Variants in PGGT1B observed in about 807,000 individuals in gnomAD.
The protein encoded by PGGT1B is geranylgeranyl transferase type-1 subunit beta.
A neutral mutation model predicts 46.1 loss-of-function variants in PGGT1B; 30 were observed. The observed-to-expected ratio is 0.65, with a 90% CI of 0.49 to 0.88. The LOEUF is 0.88. Among genes scored for constraint, PGGT1B ranks in the 40% least tolerant of loss-of-function variants. PGGT1B has a pLI of 0.00. For synonymous variants in PGGT1B, 170 were observed against 160.0 expected, an observed-to-expected ratio of 1.06 and a Z score of -0.47; for missense variants, 376 against 455.9, an observed-to-expected ratio of 0.82 and a Z score of 1.60.
intron 8 of PGGT1B, among the ~76,000 whole-genome samples, chr5:115,216,603 C>T (rs998969271): frequency 2.6e-5 from 4 of 152,104 alleles, no homozygotes; most frequent in Admixed American, 2.6e-4. Context: ...ATTATTGCTG[C>T]AAATGAAATA....
rs1400022090 is a variant in PGGT1B, at chr5:115,211,671, A to T, written c.*731T>A. 1 of 151,544 alleles carries T rather than the reference A, an allele frequency of 6.6e-6. No homozygotes were observed. The highest frequency in any genetic ancestry group is 2.4e-5 in the African/African-American group (1 of 41,286). The allele number at this position is 151,544 out of a possible 1,614,324, so 9.4% of individuals were successfully genotyped here. ...ATCAAACATAACTGGTATTCACCAC[A>T]GCAATGTCTAGATAAATGACCCACA... On this transcript the variant is annotated 3_prime_UTR_variant, in exon 9 of 9. Coordinates refer to ENST00000419445, the MANE Select transcript of PGGT1B (RefSeq NM_005023.4).
intron 8 of PGGT1B, among the ~76,000 whole-genome samples, chr5:115,215,469 T>C (rs1397025135): frequency 2.6e-5 from 4 of 152,082 alleles, no homozygotes; most frequent in Non-Finnish European, 5.9e-5. Flanking sequence ...TGGCTAATTA[T>C]TGTATTTTTA....
At chr5:115,222,030 C>T (rs265428) in intron 6 of PGGT1B, 22 bp from the exon 7 acceptor site, 134,243 of 1,441,048 alleles carry the variant, frequency 0.093, 6,890 homozygotes, top group African/African-American at 0.18. Context: ...AACCACACAA[C>T]GTTTTAAACT....
At chr5:115,251,447 T>C (rs1398515337) in intron 2 of PGGT1B, among the ~76,000 whole-genome samples, 1 of 151,934 alleles carries the variant, frequency 6.6e-6, no homozygotes, top group Admixed American at 6.6e-5. Context: ...AATAAAATGG[T>C]AGGGGGAAGT....
intron 2 of PGGT1B, among the ~76,000 whole-genome samples, chr5:115,247,044 G>C (rs1441084520): frequency 6.6e-6 from 1 of 152,084 alleles, no homozygotes; most frequent in East Asian, 1.9e-4. Flanking sequence ...CTATAAGGAA[G>C]AATAATTCAT....
At position 115,253,232 on chromosome 5, in the gene PGGT1B, A is replaced by G. The variant is rs766891567; in HGVS notation, c.164T>C (p.Leu55Pro). ...TSRLTIAFFA[L>P]SGLDMLDSLD... ...GGAATCCAACATATCCAGCCCGGAG[A>G]GTGCAAAAAATGCAATTGTCAACCT... Residue 55 changes from leucine to proline, a missense_variant, in exon 2 of 9, where the codon CTC becomes CCC. By Grantham distance (98) the Leu-to-Pro change is moderately conservative. Transcript: ENST00000419445. The G allele has an allele frequency of 6.3e-7, 1 of 1,579,022 alleles. No individual in the cohort carries two copies. Among genetic ancestry groups the G allele is most frequent in the Admixed American group, 2.0e-5 (1 of 50,716 alleles).
intron 5 of PGGT1B, among the ~76,000 whole-genome samples, chr5:115,235,482 T>C (rs1757152712): frequency 6.6e-6 from 1 of 152,054 alleles, no homozygotes; most frequent in African/African-American, 2.4e-5. Context: ...GGAAAAACAC[T>C]AACTTTACAG....
At chr5:115,252,647 A>G (rs1004950264) in intron 2 of PGGT1B, among the ~76,000 whole-genome samples, 1 of 152,078 alleles carries the variant, frequency 6.6e-6, no homozygotes, top group Admixed American at 6.6e-5. Context: ...AAAGTTTTTA[A>G]GTGTTAAGTG....
At chr5:115,220,575 A>C (rs2126993729) in intron 7 of PGGT1B, among the ~76,000 whole-genome samples, 1 of 152,066 alleles carries the variant, frequency 6.6e-6, no homozygotes, top group South Asian at 2.1e-4. Context: ...CTGTATACTT[A>C]CAAATGTTTA....
Position 115,221,920 on chromosome 5 carries a change from C to T in PGGT1B, c.747G>A (p.Lys249=). ...TTTGTTGCCTCATTATACACCACCT[C>T]TTTATCCTGTTCAATTCTTTTTCTG... The part of the protein sequence containing the change: ...VFSEKELNRI[K]RWCIMRQQNG... The change falls in exon 7 of 9, where the codon AAG becomes AAA. Residue 249 remains lysine, a synonymous_variant. Coordinates refer to ENST00000419445, the MANE Select transcript of PGGT1B (RefSeq NM_005023.4). The T allele has an allele frequency of 1.9e-6, 3 of 1,608,688 alleles. No homozygotes were observed. Among genetic ancestry groups the T allele is most frequent in the Non-Finnish European group, 2.5e-6 (3 of 1,176,674 alleles).
chr5:115,219,303 A>G (rs1186692365), intron 7 of PGGT1B, among the ~76,000 whole-genome samples: 1 of 151,892 alleles, frequency 6.6e-6, no homozygotes, highest in Non-Finnish European at 1.5e-5. Context: ...TCACATATAT[A>G]TAGTCAACTG....
At chr5:115,253,688 G>A (rs1180093363) in intron 1 of PGGT1B, among the ~76,000 whole-genome samples, 1 of 151,938 alleles carries the variant, frequency 6.6e-6, no homozygotes, top group Admixed American at 6.6e-5. Flanking sequence ...TGAGAATAAT[G>A]TCTTAATTCA....
At chr5:115,222,433 T>C (rs1228969723) in intron 6 of PGGT1B, among the ~76,000 whole-genome samples, 1 of 152,122 alleles carries the variant, frequency 6.6e-6, no homozygotes, top group Non-Finnish European at 1.5e-5. Flanking sequence ...ACAAATAAGA[T>C]AAACAAGTTA....
intron 2 of PGGT1B, among the ~76,000 whole-genome samples, chr5:115,249,312 T>C (rs949195082): frequency 1.3e-5 from 2 of 152,168 alleles, no homozygotes; most frequent in African/African-American, 2.4e-5. Context: ...ATATAAAATT[T>C]TCTTTTTTCT....
rs1337459933 is a variant in PGGT1B, at chr5:115,207,906, T to C, written c.*4496A>G. Reference sequence around the variant, plus strand: ...TGCTGGCTTTTAGGTAGAGGTACAATGTTAATAGATTATTCATCAATTTCT... The same window carrying C: ...TGCTGGCTTTTAGGTAGAGGTACAACGTTAATAGATTATTCATCAATTTCT... On this transcript the variant is annotated 3_prime_UTR_variant, in exon 9 of 9. Transcript: ENST00000419445. 6.6e-6 allele frequency: 1 copy of C among 152,094 alleles called. No homozygotes were observed. Among genetic ancestry groups the C allele is most frequent in the Non-Finnish European group, 1.5e-5 (1 of 67,960 alleles). 9.4% of individuals were successfully genotyped at this position (152,094 alleles called of 1,614,324 possible).
Position 115,212,530 on chromosome 5 carries a change from C to A in PGGT1B, c.1006G>T (p.Gly336Ter). Residue 336 changes from glycine to a stop codon, truncating the protein, a stop_gained, in exon 9 of 9, where the codon GGA (glycine) becomes TGA (stop). Transcript: ENST00000419445. LOFTEE classifies it high-confidence loss of function. Reference protein sequence around the residue: ...ICGLSLMEESGICKVHPALNV... With the variant: ...ICGLSLMEES ...AGAGCAGGATGAACTTTACAAATTC[C>A]ACTTTCCTCCATTAGTGACAGGCCA... is the stretch of plus-strand genomic sequence containing the variant. 1 of 1,613,534 alleles carries A rather than the reference C, an allele frequency of 6.2e-7. No homozygotes were observed. Among genetic ancestry groups the A allele is most frequent in the Admixed American group, 1.7e-5 (1 of 59,980 alleles).
chr5:115,226,744 C>T lies in PGGT1B; in HGVS notation c.658+4232G>A, dbSNP rs563330290. On this transcript the variant is annotated intron_variant, in intron 6 of 8. Transcript: ENST00000419445. ...ATAAGACATATGACCAGCTTACAAT[C>T]CAGCAAAGATAAACAGAGGTAAGTA... is the stretch of plus-strand genomic sequence containing the variant. Among the ~76,000 whole-genome samples, 17 of 151,988 alleles carry T rather than the reference C, an allele frequency of 1.1e-4. No individual in the cohort carries two copies. In the South Asian group the frequency reaches 3.5e-3, roughly 32 times the overall value.
intron 1 of PGGT1B, 51 bp downstream of exon 1, chr5:115,262,661 C>T (rs1748615648): frequency 6.4e-7 from 1 of 1,555,738 alleles, no homozygotes; most frequent in Admixed American, 1.9e-5. Flanking sequence ...CCGCGCCTTT[C>T]CGCTGGAGCC....
intron 6 of PGGT1B, among the ~76,000 whole-genome samples, chr5:115,224,283 C>T (rs1356914359): frequency 6.6e-6 from 1 of 152,052 alleles, no homozygotes; most frequent in Non-Finnish European, 1.5e-5. Context: ...AGTAAGTAAC[C>T]TTTCAAACTC....
Sources: gnomAD v4.1 joint callset for allele counts (sites outside exome capture counted in the v4.1 genomes callset) on GRCh38, gnomAD v4.1.1 for gene constraint, MANE v1.5 for transcripts, NCBI Gene and HGNC (gene_info 2026-07-23, HGNC 2026-07-21) for gene names.